CHFR: variants seen among roughly 807,000 people sequenced by gnomAD.
CHFR encodes checkpoint with forkhead and ring finger domains.
In CHFR, 57 loss-of-function variants were observed where a neutral mutation model predicts 87.6. The observed-to-expected ratio is 0.65, with a 90% CI of 0.53 to 0.81. The LOEUF (loss-of-function observed/expected upper bound fraction) is 0.81. Among genes scored for constraint, CHFR ranks in the 30% least tolerant of loss-of-function variants. CHFR has a pLI of 0.00. For missense variants in CHFR, 797 were observed against 865.8 expected, an observed-to-expected ratio of 0.92 and a Z score of 1.00; for synonymous variants, 381 against 359.2, an observed-to-expected ratio of 1.06 and a Z score of -0.69.
chr12:132,886,670 G>A (rs1280064066), intron 2 of CHFR, among the ~76,000 whole-genome samples: 1 of 152,098 alleles, frequency 6.6e-6, no homozygotes, highest in African/African-American at 2.4e-5. Flanking sequence ...ATATTCTAGG[G>A]GCTGGGACTT....
chr12:132,869,703 T>C lies in CHFR; in HGVS notation c.499A>G (p.Thr167Ala). The C allele has an allele frequency of 1.3e-6, 2 of 1,551,728 alleles. No homozygotes were observed. The highest frequency in any genetic ancestry group is 2.4e-5 in the South Asian group (2 of 84,064). ...GTGGGGAAGAGGTCTGACGTCGATG[T>C]TGATGGCTGTGGTTCCTCAAAGCAC... Reference protein sequence around the residue: ...QVCFEEPQPSTSTSDLFPTAS... With the variant: ...QVCFEEPQPSASTSDLFPTAS... Residue 167 changes from threonine (T) to alanine (A), a missense_variant, in exon 6 of 18, where the codon ACA becomes GCA. Coordinates refer to ENST00000450056, the MANE Select transcript of CHFR (RefSeq NM_001161346.2).
Position 132,872,322 on chromosome 12 carries a change from G to T in CHFR, c.306C>A (p.Val102=). 1 of 1,613,140 alleles carries T rather than the reference G, an allele frequency of 6.2e-7. No individual in the cohort carries two copies. Among genetic ancestry groups the T allele is most frequent in the Non-Finnish European group, 8.5e-7 (1 of 1,179,168 alleles). The change falls in exon 4 of 18, where the codon GTC becomes GTA. Residue 102 remains valine, a synonymous_variant. Coordinates refer to ENST00000450056, the MANE Select transcript of CHFR (RefSeq NM_001161346.2). ...KQTCPLQTGD[V]IYLVYRKNEP... ...CATTCTTCCTGTACACCAAGTAGAT[G>T]ACATCCCCAGTCTGTAAAGGGCATG...
At chr12:132,843,440 A>G (rs1388756355) in intron 16 of CHFR, among the ~76,000 whole-genome samples, 2 of 152,042 alleles carry the variant, frequency 1.3e-5, no homozygotes, top group African/African-American at 4.8e-5. Flanking sequence ...ATAAATAAAT[A>G]AATAAAAATT....
chr12:132,884,544 C>T (rs900192898), intron 2 of CHFR, among the ~76,000 whole-genome samples: 5 of 152,138 alleles, frequency 3.3e-5, no homozygotes, highest in Non-Finnish European at 7.4e-5. Context: ...AAGTCCTAAT[C>T]CCCAATGTGA....
chr12:132,857,472 G>T lies in CHFR; in HGVS notation c.999C>A (p.Pro333=). 1 of 1,614,182 alleles carries T rather than the reference G, an allele frequency of 6.2e-7. No homozygotes were observed. The highest frequency in any genetic ancestry group is 8.5e-7 in the Non-Finnish European group (1 of 1,180,024). ...TGTGGTTTTTACAGATCCGCTCCAC[G>T]GGACAGCGGCAGGTAGGACACAGGG... The part of the protein sequence containing the change: ...RSSLCPTCRC[P]VERICKNHIL... Residue 333 remains proline (P), a synonymous_variant, in exon 9 of 18, where the codon CCC becomes CCA. Coordinates refer to ENST00000450056, the MANE Select transcript of CHFR (RefSeq NM_001161346.2).
chr12:132,887,320 C>G lies in CHFR; in HGVS notation c.9G>C (p.Arg3=). ...GCGGCGACTGCTTGCCTTCCTCGGG[C>G]CGCTCCATCGGGATTCACATCTGCG... ME[R]PEEGKQSPPP... The change falls in exon 2 of 18, where the codon CGG becomes CGC. Residue 3 remains arginine (R), a synonymous_variant. Coordinates refer to ENST00000450056, the MANE Select transcript of CHFR (RefSeq NM_001161346.2). 1 of 1,471,836 alleles carries G rather than the reference C, an allele frequency of 6.8e-7. No homozygotes were observed. Among genetic ancestry groups the G allele is most frequent in the Non-Finnish European group, 8.9e-7 (1 of 1,118,022 alleles). 91.2% of individuals were successfully genotyped at this position (1,471,836 alleles called of 1,614,324 possible).
Position 132,868,757 on chromosome 12 carries a change from C to T in CHFR, c.583+862G>A, listed in dbSNP as rs2137011589. Among the ~76,000 whole-genome samples the T allele has an allele frequency of 2.0e-5, 3 of 151,204 alleles. No individual in the cohort carries two copies. The Middle Eastern group carries it at 0.01, about 518-fold the overall frequency. ...CAGAAAAATCCAGAGGCCGAAAGCA[C>T]ACGCAGCTGCCAGGGGCTGGGGGGA... On this transcript the variant is annotated intron_variant, in intron 6 of 17. Coordinates refer to ENST00000450056, the MANE Select transcript of CHFR (RefSeq NM_001161346.2).
chr12:132,837,124 G>A lies in CHFR; in HGVS notation c.*4430C>T, dbSNP rs1323241426. On this transcript the variant is annotated 3_prime_UTR_variant, in exon 18 of 18. Coordinates refer to ENST00000450056, the MANE Select transcript of CHFR (RefSeq NM_001161346.2). ...TCGGTGGAGAAGCAGAGGAACACCT[G>A]AGGGGCTCCAGGAGAAGCAGGTAGG... 1 of 299,440 alleles carries A rather than the reference G, an allele frequency of 3.3e-6. No homozygotes were observed. Among genetic ancestry groups the A allele is most frequent in the East Asian group, 9.8e-5 (1 of 10,172 alleles). The allele number at this position is 299,440 out of a possible 1,614,324, so 18.5% of individuals were successfully genotyped here. A position where few individuals can be genotyped will look rare whatever the true frequency, so the allele number is the denominator to read the frequency against.
intron 6 of CHFR, among the ~76,000 whole-genome samples, chr12:132,863,411 C>T (rs2136990358): frequency 6.6e-6 from 1 of 152,012 alleles, no homozygotes; most frequent in South Asian, 2.1e-4. Flanking sequence ...GAGGCTGAGG[C>T]AGGAGAACTG....
rs117032655 is a variant in CHFR, at chr12:132,839,782, G to A, written c.*1772C>T. ...GCACAAACTTGGGACCTCCCTTCTC[G>A]GCCTCACCCCTGCACTAACTAGGGA... On this transcript the variant is annotated 3_prime_UTR_variant, in exon 18 of 18. Coordinates refer to ENST00000450056, the MANE Select transcript of CHFR (RefSeq NM_001161346.2). 17 of 150,118 alleles carry A rather than the reference G, an allele frequency of 1.1e-4. No homozygotes were observed. The East Asian group carries it at 3.6e-3, about 32-fold the overall frequency. The allele number at this position is 150,118 out of a possible 1,614,324, so 9.3% of individuals were successfully genotyped here.
Position 132,843,093 on chromosome 12 carries a change from G to T in CHFR, c.1844-10C>A, listed in dbSNP as rs1415213961. 1.2e-6 allele frequency: 2 copies of T among 1,611,662 alleles called. No individual in the cohort carries two copies. Among genetic ancestry groups the T allele is most frequent in the Non-Finnish European group, 1.7e-6 (2 of 1,179,008 alleles). On this transcript the variant is annotated splice_polypyrimidine_tract_variant and intron_variant, in intron 16 of 17. Transcript: ENST00000450056. ...CGGGATGTTACGGCCACTGGAAAAA[G>T]AGAAGGGGTACGCATCTATGAGATG...
At chr12:132,884,980 C>T (rs1193576841) in intron 2 of CHFR, among the ~76,000 whole-genome samples, 1 of 151,748 alleles carries the variant, frequency 6.6e-6, no homozygotes, top group African/African-American at 2.4e-5. Context: ...CCCAGCTACT[C>T]GGGAGGCTGA....
chr12:132,870,745 C>G lies in CHFR; in HGVS notation c.382G>C (p.Gly128Arg), dbSNP rs202105666. 1 of 1,611,232 alleles carries G rather than the reference C, an allele frequency of 6.2e-7. No homozygotes were observed. Among genetic ancestry groups the G allele is most frequent in the African/African-American group, 1.3e-5 (1 of 75,006 alleles). ...YLYESLSEKQ[G>R]MTQESFDTSG... ...TTACCAAAGGATTCTTGTGTCATGC[C>G]TTGCTTTTCACTTAAAGATTCATAG... The change falls in exon 5 of 18, where the codon GGC becomes CGC. Residue 128 changes from glycine (G) to arginine (R), a missense_variant. By Grantham distance (125) the Gly-to-Arg change is moderately radical. Coordinates refer to ENST00000450056, the MANE Select transcript of CHFR (RefSeq NM_001161346.2).
At chr12:132,858,113 T>A (rs1158043092) in intron 8 of CHFR, among the ~76,000 whole-genome samples, 1 of 152,116 alleles carries the variant, frequency 6.6e-6, no homozygotes, top group East Asian at 1.9e-4. Context: ...TCCCAACACT[T>A]TGGGAGGCCA....
At chr12:132,844,200 G>A in intron 15 of CHFR, 66 bp from the exon 16 acceptor site, 1 of 1,027,006 alleles carries the variant, frequency 9.7e-7, no homozygotes, top group Non-Finnish European at 1.5e-6. Flanking sequence ...GGACTTCACA[G>A]CAGTGGGAGA....
Position 132,839,617 on chromosome 12 carries a change from C to T in CHFR, c.*1937G>A, listed in dbSNP as rs1950676059. The T allele has an allele frequency of 3.3e-5, 5 of 150,190 alleles. No homozygotes were observed. The South Asian group carries it at 5.6e-4, about 17-fold the overall frequency. The allele number at this position is 150,190 out of a possible 1,614,324, so 9.3% of individuals were successfully genotyped here. A position where few individuals can be genotyped will look rare whatever the true frequency, so the allele number is the denominator to read the frequency against. ...CTCCCCTCTCGGCCTCACCCCTGCACTTAGGGACCTCCCCTCTCAGCCTCG... is the reference window on the plus strand; with the variant it reads ...CTCCCCTCTCGGCCTCACCCCTGCATTTAGGGACCTCCCCTCTCAGCCTCG... On this transcript the variant is annotated 3_prime_UTR_variant, in exon 18 of 18. Coordinates refer to ENST00000450056, the MANE Select transcript of CHFR (RefSeq NM_001161346.2).
intron 14 of CHFR, 146 bp from the exon 15 acceptor site, chr12:132,847,276 G>C: frequency 7.0e-6 from 10 of 1,422,622 alleles, no homozygotes; most frequent in Non-Finnish European, 8.3e-6. Flanking sequence ...GCAGAGGGCT[G>C]CACGTTCACG....
At chr12:132,850,422 T>C (rs546228427) in intron 12 of CHFR, among the ~76,000 whole-genome samples, 3 of 152,044 alleles carry the variant, frequency 2.0e-5, no homozygotes, top group Non-Finnish European at 4.4e-5. Context: ...TGGGCCGAGC[T>C]GCCATCTGCT....
At chr12:132,871,545 G>T (rs1319846190) in intron 4 of CHFR, among the ~76,000 whole-genome samples, 5 of 151,810 alleles carry the variant, frequency 3.3e-5, no homozygotes, top group Admixed American at 3.3e-4. Flanking sequence ...GTTGAGGTGG[G>T]TGGATCACCT....
Sources: gnomAD v4.1 joint callset for allele counts (sites outside exome capture counted in the v4.1 genomes callset) on GRCh38, gnomAD v4.1.1 for gene constraint, MANE v1.5 for transcripts, NCBI Gene and HGNC (gene_info 2026-07-23, HGNC 2026-07-21) for gene names.